Variants in MAGI2 observed in about 807,000 individuals in gnomAD.
MAGI2 encodes membrane-associated guanylate kinase, WW and PDZ domain-containing protein 2.
A neutral mutation model predicts 133.3 loss-of-function variants in MAGI2; 35 were observed. The ratio of observed to expected loss-of-function variants is 0.26; its 90% CI spans 0.20 to 0.35. The LOEUF is 0.35. MAGI2 is among the 10% of genes least tolerant of loss of function. The pLI is 1.00. For missense variants in MAGI2, 1,636 were observed against 1,863.4 expected (o/e 0.88, Z 2.25); for synonymous variants, 729 against 710.6 (o/e 1.03, Z -0.41).
At chr7:78,786,134 G>T (rs139009927) in intron 2 of MAGI2, among the ~76,000 whole-genome samples, 41 of 151,050 alleles carry the variant, frequency 2.7e-4, no homozygotes, top group African/African-American at 9.2e-4. Context: ...TGTTTCTAGT[G>T]CTCAGAAAAA....
intron 1 of MAGI2, among the ~76,000 whole-genome samples, chr7:79,044,351 A>G (rs372034580): frequency 6.6e-6 from 1 of 152,212 alleles, no homozygotes; most frequent in East Asian, 1.9e-4. Context: ...ATCTCAATAG[A>G]TCCAGAAATG....
intron 1 of MAGI2, chr7:79,411,158 C>G (rs1448559668): frequency 6.6e-6 from 1 of 152,148 alleles, no homozygotes; most frequent in Admixed American, 6.6e-5. Context: ...CACCTGTCAT[C>G]AAGTGGCAGT....
chr7:79,325,895 T>C (rs12154980), intron 1 of MAGI2, among the ~76,000 whole-genome samples: 95,040 of 151,978 alleles, frequency 0.63, 30,489 homozygotes, highest in Non-Finnish European at 0.69. Flanking sequence ...ATTATCATTA[T>C]TGTGAAAACT....
In MAGI2 at chr7:79,011,884, TCTTC is replaced by T. The variant is rs779042721; in HGVS notation, c.302-4682_302-4679del. ...GTAGAAGATCCTTCCTTCCTTCCTT[TCTTC>T]CTTCCTTCCTTCCTTCCTTCCTTCC... On this transcript the variant is annotated intron_variant, in intron 1 of 21. Transcript: ENST00000354212. Among the ~76,000 whole-genome samples the T allele has an allele frequency of 5.3e-3, 546 of 103,362 alleles. 5 individuals are homozygous for T. Among genetic ancestry groups the T allele is most frequent in the South Asian group, 0.039 (113 of 2,924 alleles). 67.8% of individuals were successfully genotyped at this position (103,362 alleles called of 152,430 possible). A position where few individuals can be genotyped will look rare whatever the true frequency, so the allele number is the denominator to read the frequency against.
At chr7:78,978,433 A>C (rs939293172) in intron 2 of MAGI2, among the ~76,000 whole-genome samples, 1 of 151,888 alleles carries the variant, frequency 6.6e-6, no homozygotes, top group Non-Finnish European at 1.5e-5. Flanking sequence ...TGTACTCTAC[A>C]TGATTCTGTT....
chr7:78,361,869 A>C (rs1405179527), intron 7 of MAGI2, among the ~76,000 whole-genome samples: 1 of 152,196 alleles, frequency 6.6e-6, no homozygotes, highest in African/African-American at 2.4e-5. Flanking sequence ...GCAATGGTGA[A>C]GTGTCTCCCA....
intron 1 of MAGI2, among the ~76,000 whole-genome samples, chr7:79,260,647 A>T (rs1655036616): frequency 6.6e-6 from 1 of 152,148 alleles, no homozygotes; most frequent in Admixed American, 6.5e-5. Context: ...TCCATACCTG[A>T]CCTCATGTGA....
At chr7:78,693,204 A>T (rs1268978057) in intron 2 of MAGI2, among the ~76,000 whole-genome samples, 1 of 152,202 alleles carries the variant, frequency 6.6e-6, no homozygotes, top group Non-Finnish European at 1.5e-5. Context: ...TCCTTGTCTG[A>T]AAAGGATGGA....
rs369388917 is a variant in MAGI2 at position 78,735,729 on chromosome 7, T to C, written c.419-108490A>G. Among the ~76,000 whole-genome samples, 102 of 152,296 alleles carry C rather than the reference T, an allele frequency of 6.7e-4. 3 individuals carry two copies. In the South Asian group the frequency reaches 0.021, roughly 31 times the overall value. On this transcript the variant is annotated intron_variant, in intron 2 of 21. Transcript: ENST00000354212. ...TTTTCCTTTAAAATGTTTAATCTGA[T>C]TATCTGAAATGGAGGAGAGCAGCCT...
intron 9 of MAGI2, among the ~76,000 whole-genome samples, chr7:78,335,468 G>A (rs1259695828): frequency 1.3e-5 from 2 of 152,116 alleles, no homozygotes; most frequent in Non-Finnish European, 2.9e-5. Context: ...ACCAACGTTG[G>A]ACCCCCAAGT....
At chr7:79,033,934 T>C (rs984847032) in intron 1 of MAGI2, among the ~76,000 whole-genome samples, 1 of 151,528 alleles carries the variant, frequency 6.6e-6, no homozygotes, top group African/African-American at 2.4e-5. Flanking sequence ...CAACGAAAAC[T>C]ACTAGGAACT....
At chr7:78,801,028 G>A (rs1303352557) in intron 2 of MAGI2, among the ~76,000 whole-genome samples, 1 of 152,118 alleles carries the variant, frequency 6.6e-6, no homozygotes, top group African/African-American at 2.4e-5. Context: ...AGAGTTTAAT[G>A]TTTTATTGTT....
At chr7:78,386,867 T>C (rs989975803) in intron 6 of MAGI2, among the ~76,000 whole-genome samples, 1 of 152,180 alleles carries the variant, frequency 6.6e-6, no homozygotes, top group African/African-American at 2.4e-5. Flanking sequence ...AATTTTGTCT[T>C]ATAATGGCAT....
At chr7:79,122,124 AG>A (rs1250470973) in intron 1 of MAGI2, among the ~76,000 whole-genome samples, 5 of 152,178 alleles carry the variant, frequency 3.3e-5, no homozygotes, top group African/African-American at 1.2e-4. Context: ...CCAGCCTATC[AG>A]GGTCATTTTG....
intron 1 of MAGI2, among the ~76,000 whole-genome samples, chr7:79,425,247 G>A (rs1019341947): frequency 2.4e-4 from 33 of 135,796 alleles, no homozygotes; most frequent in African/African-American, 7.5e-4. Flanking sequence ...GCGAGACTCC[G>A]TCTCAGAAAA....
chr7:79,062,789 A>T (rs996185373), intron 1 of MAGI2, among the ~76,000 whole-genome samples: 3 of 152,076 alleles, frequency 2.0e-5, no homozygotes, highest in African/African-American at 7.2e-5. Context: ...CCGTGTTCTG[A>T]CAAGGGTTGG....
intron 1 of MAGI2, among the ~76,000 whole-genome samples, chr7:79,371,135 A>T (rs1843026048): frequency 1.3e-5 from 2 of 152,134 alleles, no homozygotes; most frequent in South Asian, 4.1e-4. Flanking sequence ...TCTTCTTCTA[A>T]AATCCGATAA....
At chr7:79,222,985 CGCCATTCTCCT>C (rs1187846911) in intron 1 of MAGI2, among the ~76,000 whole-genome samples, 1 of 151,896 alleles carries the variant, frequency 6.6e-6, no homozygotes, top group Non-Finnish European at 1.5e-5. Context: ...CCCGGGTTCA[CGCCATTCTCCT>C]GCCTCTGCCT....
intron 1 of MAGI2, among the ~76,000 whole-genome samples, chr7:79,154,159 G>C (rs946547387): frequency 6.6e-6 from 1 of 152,100 alleles, no homozygotes; most frequent in African/African-American, 2.4e-5. Flanking sequence ...CTTTCAACAG[G>C]TGAAAGTTAG....
Sources: allele counts gnomAD v4.1 joint callset (sites outside exome capture counted in the v4.1 genomes callset), GRCh38; gene constraint gnomAD v4.1.1; transcripts MANE v1.5; gene names NCBI Gene and HGNC (gene_info 2026-07-23, HGNC 2026-07-21).